BAALC: variants seen among roughly 807,000 people sequenced by gnomAD.
BAALC encodes the protein brain and acute leukemia cytoplasmic protein.
In BAALC, 9 loss-of-function variants were observed where a neutral mutation model predicts 15.5. That is an observed-to-expected ratio of 0.58 (90% CI 0.35 to 1.02). The LOEUF (loss-of-function observed/expected upper bound fraction) is 1.02, where lower values mean the gene tolerates loss of function less well. BAALC is among the 50% of genes least tolerant of loss of function. The pLI, the probability that BAALC is intolerant of heterozygous loss-of-function variation, is 0.02. For synonymous variants in BAALC, 80 were observed against 74.6 expected, an observed-to-expected ratio of 1.07 and a Z score of -0.37; for missense variants, 201 against 192.4, an observed-to-expected ratio of 1.04 and a Z score of -0.27.
chr8:103,154,782 T>C (rs1811054766), intron 1 of BAALC: 3 of 154,484 alleles, frequency 1.9e-5, no homozygotes, highest in Admixed American at 6.5e-5. Context: ...AGTTTTCTTA[T>C]TTATGATTGT....
At chr8:103,150,772 C>G (rs981478361) in intron 1 of BAALC, among the ~76,000 whole-genome samples, 1 of 152,156 alleles carries the variant, frequency 6.6e-6, no homozygotes, top group Non-Finnish European at 1.5e-5. Flanking sequence ...GGATATCCAA[C>G]CCAGGGATTC....
At chr8:103,186,976 A>G (rs887902469) in intron 1 of BAALC, among the ~76,000 whole-genome samples, 1 of 152,118 alleles carries the variant, frequency 6.6e-6, no homozygotes, top group South Asian at 2.1e-4. Context: ...TTCTCTCAGG[A>G]CCTTAGCCCT....
At chr8:103,144,954 C>T (rs1009789828) in intron 1 of BAALC, among the ~76,000 whole-genome samples, 4 of 152,324 alleles carry the variant, frequency 2.6e-5, no homozygotes, top group South Asian at 4.1e-4. Context: ...TAGCCACCCT[C>T]CTTTTACAAG....
chr8:103,192,934 A>G (rs1283028868), intron 1 of BAALC, among the ~76,000 whole-genome samples: 1 of 152,180 alleles, frequency 6.6e-6, no homozygotes, highest in Non-Finnish European at 1.5e-5. Context: ...CACCAGGGAC[A>G]AGGAATGAGC....
intron 1 of BAALC, among the ~76,000 whole-genome samples, chr8:103,173,320 A>C (rs1811539775): frequency 6.6e-6 from 1 of 152,202 alleles, no homozygotes; most frequent in African/African-American, 2.4e-5. Flanking sequence ...TAAATGACTC[A>C]GAAGCTTTCA....
intron 1 of BAALC, among the ~76,000 whole-genome samples, chr8:103,172,391 CTTTTTTT>C (rs36037103): frequency 1.0e-5 from 1 of 100,126 alleles, no homozygotes; most frequent in Admixed American, 1.1e-4. Flanking sequence ...TTCTGGCTTG[CTTTTTTT>C]TTTTTTTTTT....
At chr8:103,206,778 A>G (rs1812341668) in intron 1 of BAALC, among the ~76,000 whole-genome samples, 1 of 152,022 alleles carries the variant, frequency 6.6e-6, no homozygotes, top group Admixed American at 6.6e-5. Context: ...TGAAGGAGGG[A>G]GGGAGAGAAG....
chr8:103,179,685 T>A (rs941442200), intron 1 of BAALC, among the ~76,000 whole-genome samples: 1 of 152,250 alleles, frequency 6.6e-6, no homozygotes, highest in Non-Finnish European at 1.5e-5. Context: ...ATGAAGTCTT[T>A]AAAACTTTGT....
chr8:103,148,524 G>A (rs769588313), intron 1 of BAALC, among the ~76,000 whole-genome samples: 25 of 152,196 alleles, frequency 1.6e-4, no homozygotes, highest in Non-Finnish European at 2.9e-4. Flanking sequence ...CTTTTGAGTT[G>A]CAAACAATCT....
chr8:103,172,614 C>T (rs138217651), intron 1 of BAALC, among the ~76,000 whole-genome samples: 163 of 152,106 alleles, frequency 1.1e-3, no homozygotes, highest in African/African-American at 3.8e-3. Context: ...AGGCTGGTCT[C>T]AAACTCCTGA....
intron 1 of BAALC, among the ~76,000 whole-genome samples, chr8:103,170,189 T>C (rs1811447205): frequency 6.6e-6 from 1 of 152,088 alleles, no homozygotes; most frequent in African/African-American, 2.4e-5. Context: ...GCTCATTGCA[T>C]TTGCAATGAC....
intron 1 of BAALC, among the ~76,000 whole-genome samples, chr8:103,199,529 T>C (rs1219306303): frequency 7.5e-6 from 1 of 132,496 alleles, no homozygotes; most frequent in Non-Finnish European, 1.8e-5. Context: ...TACTAGATAA[T>C]TGATTGATTG....
intron 1 of BAALC, among the ~76,000 whole-genome samples, chr8:103,192,073 T>C (rs1563649140): frequency 6.6e-6 from 1 of 152,100 alleles, no homozygotes; most frequent in Non-Finnish European, 1.5e-5. Flanking sequence ...TTATTTGAGA[T>C]GGAGTTTCAC....
chr8:103,177,178 TG>T (rs1027866704), intron 1 of BAALC, among the ~76,000 whole-genome samples: 2 of 129,292 alleles, frequency 1.5e-5, no homozygotes, highest in Admixed American at 7.5e-5. Flanking sequence ...TTGTTGTTGT[TG>T]TTGTTGTTGT....
chr8:103,147,645 G>C (rs1810904332), intron 1 of BAALC, among the ~76,000 whole-genome samples: 1 of 152,146 alleles, frequency 6.6e-6, no homozygotes, highest in East Asian at 1.9e-4. Flanking sequence ...TCTTCCTGCT[G>C]ATAAGGCCAT....
chr8:103,226,926 A>G (rs1460632231), intron 2 of BAALC, among the ~76,000 whole-genome samples: 2 of 152,246 alleles, frequency 1.3e-5, no homozygotes, highest in Non-Finnish European at 2.9e-5. Flanking sequence ...GTGAAATCAT[A>G]TAGCCAGTAT....
chr8:103,205,429 A>C (rs1812306108), intron 1 of BAALC, among the ~76,000 whole-genome samples: 1 of 152,178 alleles, frequency 6.6e-6, no homozygotes, highest in Non-Finnish European at 1.5e-5. Flanking sequence ...GGGGCACATA[A>C]ATGTCTCCTA....
At position 103,177,193 on chromosome 8, in the gene BAALC, G is replaced by GTTTTGTT. The variant is rs1811625573; in HGVS notation, c.161-35722_161-35721insGTTTTTT. ...TTGTTGTTGTTGTTGTTGTTGTTTT[G>GTTTTGTT]TTTTTTTTTTTTTGAGACAAGATCT... is the stretch of plus-strand genomic sequence containing the variant. On this transcript the variant is annotated intron_variant, in intron 1 of 2. Transcript: ENST00000309982. 2.1e-5 allele frequency among the ~76,000 whole-genome samples: 3 copies of GTTTTGTT among 145,440 alleles called. No individual in the cohort carries two copies. In the Admixed American group the frequency reaches 2.1e-4, roughly 10 times the overall value.
At position 103,163,709 on chromosome 8, in the gene BAALC, C is replaced by G. The variant is rs138252525; in HGVS notation, c.160+22652C>G. Among the ~76,000 whole-genome samples the G allele has an allele frequency of 3.2e-4, 49 of 152,254 alleles. 1 individual carries two copies. Among genetic ancestry groups the G allele is most frequent in the African/African-American group, 1.2e-3 (49 of 41,546 alleles). On this transcript the variant is annotated intron_variant, in intron 1 of 2. Coordinates refer to ENST00000309982, the MANE Select transcript of BAALC (RefSeq NM_024812.3). The stretch of plus-strand genomic sequence containing the variant: ...TAATGCTCCCCTTCAAATCACCTAC[C>G]ACTGCCCTTCCTGAATGTGGGGGCA...
Sources: allele counts gnomAD v4.1 joint callset (sites outside exome capture counted in the v4.1 genomes callset), GRCh38; gene constraint gnomAD v4.1.1; transcripts MANE v1.5; gene names NCBI Gene and HGNC (gene_info 2026-07-23, HGNC 2026-07-21).